Variants in FAM72D observed in about 807,000 individuals in gnomAD.
FAM72D encodes RUMY family member 4.
For synonymous variants in FAM72D, 4 were observed against 35.1 expected (o/e 0.11, Z 3.13); for missense variants, 9 against 104.7 (o/e 0.09, Z 3.99).
chr1:145,100,516 G>A (rs1489224595), intron 2 of FAM72D, among the ~76,000 whole-genome samples: 2 of 143,808 alleles, frequency 1.4e-5, no homozygotes, highest in Admixed American at 6.9e-5. Context: ...TTTTAAGACG[G>A]AGTTTTGCTC....
chr1:145,106,912 G>A (rs1203782814), intron 3 of FAM72D, among the ~76,000 whole-genome samples: 1 of 105,644 alleles, frequency 9.5e-6, no homozygotes, highest in Admixed American at 9.8e-5. Context: ...GCACAATTGA[G>A]GTATGCTTAT....
chr1:145,097,083 G>A lies in FAM72D; in HGVS notation c.152+84G>A, dbSNP rs587644573. 149 of 924,806 alleles carry A rather than the reference G, an allele frequency of 1.6e-4. 11 individuals are homozygous for A. In the African/African-American group the frequency reaches 2.7e-3, roughly 17 times the overall value. 57.3% of individuals were successfully genotyped at this position (924,806 alleles called of 1,614,324 possible). A position where few individuals can be genotyped will look rare whatever the true frequency, so the allele number is the denominator to read the frequency against. On this transcript the variant is annotated intron_variant, in intron 1 of 3. Transcript: ENST00000400889. ...TTGGATCTGTGGGAGTCAACAAGGAGGTTATCATTTCGGTGTTTCAGCCAC... is the reference window on the plus strand; with the variant it reads ...TTGGATCTGTGGGAGTCAACAAGGAAGTTATCATTTCGGTGTTTCAGCCAC...
At chr1:145,106,864 A>G (rs1427955410) in intron 3 of FAM72D, among the ~76,000 whole-genome samples, 2 of 134,144 alleles carry the variant, frequency 1.5e-5, no homozygotes, top group Non-Finnish European at 3.1e-5. Context: ...CCTTCCATTT[A>G]TATAAAGCCC....
intron 3 of FAM72D, among the ~76,000 whole-genome samples, chr1:145,105,935 A>T (rs1259854123): frequency 6.7e-6 from 1 of 148,916 alleles, no homozygotes; most frequent in African/African-American, 2.5e-5. Flanking sequence ...CTGGGCAACA[A>T]AAGTGAAACT....
chr1:145,106,927 A>C lies in FAM72D; in HGVS notation c.355+3796A>C, dbSNP rs1310293503. ...GCACAATTGAGGTATGCTTATACTA[A>C]TTATTTTAGCAAGGCCAGGCATGGT... On this transcript the variant is annotated intron_variant, in intron 3 of 3. Coordinates refer to ENST00000400889, the MANE Select transcript of FAM72D (RefSeq NM_207418.3). Among the ~76,000 whole-genome samples, 3 of 91,232 alleles carry C rather than the reference A, an allele frequency of 3.3e-5. 1 individual carries two copies. Among genetic ancestry groups the C allele is most frequent in the Non-Finnish European group, 6.2e-5 (3 of 48,254 alleles). 59.9% of individuals were successfully genotyped at this position (91,232 alleles called of 152,430 possible).
intron 3 of FAM72D, among the ~76,000 whole-genome samples, chr1:145,107,454 G>A: frequency 7.9e-6 from 1 of 127,048 alleles, no homozygotes; most frequent in South Asian, 2.8e-4. Flanking sequence ...GGTCAGGCTG[G>A]TCTTGAACAC....
chr1:145,107,199 AT>A (rs1553638534), intron 3 of FAM72D, among the ~76,000 whole-genome samples: 1 of 149,146 alleles, frequency 6.7e-6, no homozygotes, highest in East Asian at 2.0e-4. Context: ...AAAAAAAAAA[AT>A]TTCTTTTTCC....
At chr1:145,102,784 A>AATT (rs1553638104) in intron 2 of FAM72D, among the ~76,000 whole-genome samples, 1 of 137,152 alleles carries the variant, frequency 7.3e-6, no homozygotes, top group Non-Finnish European at 1.6e-5. Context: ...TAATAATAAT[A>AATT]ATAATAGCAA....
At chr1:145,105,675 G>A (rs1322192943) in intron 3 of FAM72D, among the ~76,000 whole-genome samples, 2 of 150,592 alleles carry the variant, frequency 1.3e-5, no homozygotes, top group Admixed American at 1.3e-4. Flanking sequence ...ATAAGAGGCC[G>A]GGCGCGGTGG....
rs1310733122 is a variant in FAM72D at position 145,112,269 on chromosome 1, G to A, written c.*672G>A. The A allele has an allele frequency of 4.7e-5, 7 of 149,160 alleles. No homozygotes were observed. Among genetic ancestry groups the A allele is most frequent in the African/African-American group, 1.2e-4 (5 of 40,352 alleles). 9.2% of individuals were successfully genotyped at this position (149,160 alleles called of 1,614,324 possible). A position where few individuals can be genotyped will look rare whatever the true frequency, so the allele number is the denominator to read the frequency against. On this transcript the variant is annotated 3_prime_UTR_variant, in exon 4 of 4. Transcript: ENST00000400889. ...AAAGCCATTATGGATATTGTATTAT[G>A]AGAGCTAAACCTAAATAAGTTATCC...
intron 2 of FAM72D, among the ~76,000 whole-genome samples, chr1:145,101,102 C>T (rs1553637908): frequency 6.7e-6 from 1 of 148,930 alleles, no homozygotes; most frequent in African/African-American, 2.6e-5. Context: ...CCACCATGCC[C>T]AGTTAATTTT....
At chr1:145,097,093 T>A in intron 1 of FAM72D, 94 bp downstream of exon 1, 1 of 1,171,246 alleles carries the variant, frequency 8.5e-7, no homozygotes, top group Non-Finnish European at 1.2e-6. Flanking sequence ...GGTTATCATT[T>A]CGGTGTTTCA....
chr1:145,101,055 C>A (rs1654685525), intron 2 of FAM72D, among the ~76,000 whole-genome samples: 1 of 150,682 alleles, frequency 6.6e-6, no homozygotes, highest in African/African-American at 2.5e-5. Context: ...GATTCTCTCA[C>A]CTCTGCCTCC....
At chr1:145,102,792 CAAAG>C (rs1654775479) in intron 2 of FAM72D, among the ~76,000 whole-genome samples, 1 of 126,614 alleles carries the variant, frequency 7.9e-6, no homozygotes, top group African/African-American at 2.9e-5. Context: ...ATAATAATAG[CAAAG>C]AAATGTGAGA....
At chr1:145,102,797 A>G (rs1398634486) in intron 2 of FAM72D, among the ~76,000 whole-genome samples, 3 of 133,712 alleles carry the variant, frequency 2.2e-5, no homozygotes, top group Non-Finnish European at 4.9e-5. Context: ...AATAGCAAAG[A>G]AATGTGAGAA....
chr1:145,105,500 T>A, intron 3 of FAM72D, among the ~76,000 whole-genome samples: 1 of 98,442 alleles, frequency 1.0e-5, no homozygotes, highest in Non-Finnish European at 2.0e-5. Flanking sequence ...ATAGTAGAAC[T>A]CTGCCTCTAC....
At chr1:145,106,776 A>G (rs1654935984) in intron 3 of FAM72D, among the ~76,000 whole-genome samples, 1 of 128,914 alleles carries the variant, frequency 7.8e-6, no homozygotes, top group Non-Finnish European at 1.6e-5. Flanking sequence ...AGGTTGAAAT[A>G]TTGAGAGAAT....
At chr1:145,100,699 C>T (rs1194002119) in intron 2 of FAM72D, among the ~76,000 whole-genome samples, 5 of 148,160 alleles carry the variant, frequency 3.4e-5, no homozygotes, top group African/African-American at 1.3e-4. Context: ...ACCGTGTTGC[C>T]CAGGCTGCTC....
At chr1:145,106,766 AG>A (rs1212899781) in intron 3 of FAM72D, among the ~76,000 whole-genome samples, 1 of 125,970 alleles carries the variant, frequency 7.9e-6, no homozygotes, top group Non-Finnish European at 1.6e-5. Context: ...ATAATGAAAA[AG>A]GTTGAAATAT....
Sources: allele counts gnomAD v4.1 joint callset (sites outside exome capture counted in the v4.1 genomes callset), GRCh38; gene constraint gnomAD v4.1.1; transcripts MANE v1.5; gene names NCBI Gene and HGNC (gene_info 2026-07-23, HGNC 2026-07-21).